The following SERPINB5 variants were observed in gnomAD, a reference collection of about 807,000 sequenced individuals.
SERPINB5 encodes the protein serpin B5.
In SERPINB5, 27 loss-of-function variants were observed where a neutral mutation model predicts 32.2. The ratio of observed to expected loss-of-function variants is 0.84; its 90% CI spans 0.62 to 1.16. The LOEUF (loss-of-function observed/expected upper bound fraction) is 1.16, where lower values mean the gene tolerates loss of function less well. Among genes scored for constraint, SERPINB5 ranks in the 50% most tolerant of loss-of-function variants. The probability of loss-of-function intolerance (pLI) is 0.00; values close to 1 mark genes in which losing one functional copy is unlikely to be tolerated. For missense variants in SERPINB5, 388 were observed against 436.3 expected (o/e 0.89, Z 0.99); for synonymous variants, 154 against 157.4 (o/e 0.98, Z 0.16).
intron 5 of SERPINB5, among the ~76,000 whole-genome samples, chr18:63,494,839 C>A (rs927351006): frequency 6.6e-6 from 1 of 152,214 alleles, no homozygotes; most frequent in African/African-American, 2.4e-5. Context: ...AAGGTAGGGA[C>A]AATGCCTTAT....
intron 6 of SERPINB5, among the ~76,000 whole-genome samples, chr18:63,501,047 C>CT (rs1216958927): frequency 2.0e-4 from 31 of 151,364 alleles, no homozygotes; most frequent in African/African-American, 7.3e-4. Flanking sequence ...ATTTATTTTT[C>CT]TTTTTTTTAA....
chr18:63,488,015 AT>A lies in SERPINB5; in HGVS notation c.306+935del, dbSNP rs113201845. On this transcript the variant is annotated intron_variant, in intron 3 of 6. Transcript: ENST00000382771. ...TTTTCTTCCAACAATCATCTGAAGA[AT>A]TTAAAAAAAAAAACTGAGATGTGAG... 7.7e-4 allele frequency among the ~76,000 whole-genome samples: 116 copies of A among 151,310 alleles called. 1 individual carries two copies. The highest frequency in any genetic ancestry group is 1.2e-3 in the African/African-American group (51 of 41,216).
intron 4 of SERPINB5, among the ~76,000 whole-genome samples, chr18:63,491,533 G>A (rs189677526): frequency 9.3e-5 from 14 of 150,504 alleles, no homozygotes; most frequent in Admixed American, 4.6e-4. Flanking sequence ...GGAGTGCAGC[G>A]GCACGATCTT....
chr18:63,496,378 T>C (rs1909448291), intron 5 of SERPINB5, among the ~76,000 whole-genome samples: 1 of 152,214 alleles, frequency 6.6e-6, no homozygotes, highest in Non-Finnish European at 1.5e-5. Context: ...TATAATTCTG[T>C]TTTTGGTTAC....
intron 2 of SERPINB5, among the ~76,000 whole-genome samples, 193 bp downstream of exon 2, chr18:63,484,789 C>A (rs545856206): frequency 2.0e-4 from 27 of 133,940 alleles, no homozygotes; most frequent in Admixed American, 5.6e-4. Flanking sequence ...ACTCTGTCAC[C>A]CATGCTGGAG....
At chr18:63,484,982 C>T (rs1296019282) in intron 2 of SERPINB5, among the ~76,000 whole-genome samples, 4 of 151,874 alleles carry the variant, frequency 2.6e-5, no homozygotes, top group South Asian at 2.1e-4. Flanking sequence ...TCAGGTGATC[C>T]GCCTGCCTCG....
intron 3 of SERPINB5, 91 bp downstream of exon 3, chr18:63,487,174 T>C (rs920937268): frequency 1.6e-6 from 2 of 1,267,370 alleles, no homozygotes; most frequent in East Asian, 2.3e-5. Context: ...TTCAGTGAAA[T>C]TCCTTTCTAG....
chr18:63,483,186 C>T (rs1465487126), intron 1 of SERPINB5, among the ~76,000 whole-genome samples: 1 of 152,306 alleles, frequency 6.6e-6, no homozygotes, highest in East Asian at 1.9e-4. Context: ...TACCAGGCTA[C>T]ATATTTTGAA....
At chr18:63,483,287 T>C (rs1385539176) in intron 1 of SERPINB5, among the ~76,000 whole-genome samples, 1 of 152,250 alleles carries the variant, frequency 6.6e-6, no homozygotes, top group Non-Finnish European at 1.5e-5. Context: ...TGTCTGCATA[T>C]CTGCCCAAAG....
rs557641197 is a variant in SERPINB5, at chr18:63,499,039, G to A, written c.568-81G>A. The A allele has an allele frequency of 2.1e-4, 111 of 531,560 alleles. 2 individuals are homozygous for A. Among genetic ancestry groups the A allele is most frequent in the African/African-American group, 6.4e-4 (25 of 39,204 alleles). 32.9% of individuals were successfully genotyped at this position (531,560 alleles called of 1,614,324 possible). On this transcript the variant is annotated intron_variant, in intron 5 of 6. Transcript: ENST00000382771. ...GGTATATATGTGTGTGTGTGTGCGC[G>A]CGTGTGTGTATATATATATATATAT...
chr18:63,480,535 C>A (rs1334768136), intron 1 of SERPINB5, among the ~76,000 whole-genome samples: 2 of 152,218 alleles, frequency 1.3e-5, no homozygotes, highest in African/African-American at 4.8e-5. Context: ...TACTCTGGTA[C>A]TTGCAATTTT....
chr18:63,497,246 T>C (rs1909466579), intron 5 of SERPINB5: 1 of 887,208 alleles, frequency 1.1e-6, no homozygotes, highest in Non-Finnish European at 1.9e-6. Context: ...GGGGCTAGCA[T>C]TGGAATAGCG....
At chr18:63,485,614 A>G (rs770546234) in intron 2 of SERPINB5, 3 of 152,222 alleles carry the variant, frequency 2.0e-5, no homozygotes, top group East Asian at 1.9e-4. Context: ...CCAATCTCCC[A>G]TTCCTCATTT....
intron 6 of SERPINB5, among the ~76,000 whole-genome samples, chr18:63,502,987 A>G (rs1481940317): frequency 6.6e-6 from 1 of 152,076 alleles, no homozygotes; most frequent in Non-Finnish European, 1.5e-5. Context: ...TCACACTATT[A>G]CACTCCAGCC....
At position 63,486,939 on chromosome 18, in the gene SERPINB5, T is replaced by C. The variant is rs533460342; in HGVS notation, c.169-7T>C. On this transcript the variant is annotated splice_polypyrimidine_tract_variant and splice_region_variant and intron_variant, in intron 2 of 6. Coordinates refer to ENST00000382771, the MANE Select transcript of SERPINB5 (RefSeq NM_002639.5). ...GCTTTTTGGGTAACGGATTTTTCTCTTAACAGGTTCTTCATTTTGAAAATG... is the reference window on the plus strand; with the variant it reads ...GCTTTTTGGGTAACGGATTTTTCTCCTAACAGGTTCTTCATTTTGAAAATG... 11 of 1,613,906 alleles carry C rather than the reference T, an allele frequency of 6.8e-6. No individual in the cohort carries two copies. The African/African-American group carries it at 1.5e-4, about 22-fold the overall frequency.
At chr18:63,502,822 C>T (rs1298644027) in intron 6 of SERPINB5, among the ~76,000 whole-genome samples, 2 of 151,936 alleles carry the variant, frequency 1.3e-5, no homozygotes, top group Admixed American at 1.3e-4. Context: ...AGTTTGAGAC[C>T]AGCTTGGCCA....
intron 6 of SERPINB5, among the ~76,000 whole-genome samples, chr18:63,500,941 A>G (rs1168873524): frequency 1.3e-5 from 2 of 151,914 alleles, no homozygotes; most frequent in Non-Finnish European, 2.9e-5. Flanking sequence ...TCTTTCAGCC[A>G]TTATCCAGCT....
At chr18:63,489,581 T>C in intron 4 of SERPINB5, 117 bp downstream of exon 4, 1 of 660,654 alleles carries the variant, frequency 1.5e-6, no homozygotes, top group Non-Finnish European at 2.6e-6. Flanking sequence ...ATATTTTTAC[T>C]ACACAAGCTA....
chr18:63,481,989 C>T (rs9948679), intron 1 of SERPINB5, among the ~76,000 whole-genome samples: 71,490 of 151,988 alleles, frequency 0.47, 16,976 homozygotes, highest in African/African-American at 0.5. Context: ...CTGGCCTGAG[C>T]GCATGGCTGT....
Sources: gnomAD v4.1 joint callset for allele counts (sites outside exome capture counted in the v4.1 genomes callset) on GRCh38, gnomAD v4.1.1 for gene constraint, MANE v1.5 for transcripts, NCBI Gene and HGNC (gene_info 2026-07-23, HGNC 2026-07-21) for gene names.